The following CYTH1 variants were observed in gnomAD, a reference collection of about 807,000 sequenced individuals.
CYTH1 encodes the protein cytohesin 1, also known as cytohesin-1.
CYTH1 carries 18 observed loss-of-function variants against 61.8 expected under a neutral mutation model. The ratio of observed to expected loss-of-function variants is 0.29; its 90% confidence interval spans 0.20 to 0.43. CYTH1 has a LOEUF of 0.43. Among genes scored for constraint, CYTH1 ranks in the 20% least tolerant of loss-of-function variants. CYTH1 has a pLI of 1.00. For synonymous variants in CYTH1, 174 were observed against 184.3 expected (o/e 0.94, Z 0.45); for missense variants, 336 against 510.5 (o/e 0.66, Z 3.29).
At chr17:78,727,580 G>T (rs1428798870) in intron 1 of CYTH1, 2 of 435,500 alleles carry the variant, frequency 4.6e-6, no homozygotes, top group African/African-American at 4.1e-5. Context: ...TGGGAGAGGT[G>T]TAAGAAGGAG....
At chr17:78,722,330 T>C (rs1466412222) in intron 1 of CYTH1, among the ~76,000 whole-genome samples, 1 of 152,220 alleles carries the variant, frequency 6.6e-6, no homozygotes, top group Non-Finnish European at 1.5e-5. Context: ...ACTCCACTGC[T>C]GTTTCGAAAG....
At chr17:78,690,629 G>A (rs2092874756) in intron 11 of CYTH1, among the ~76,000 whole-genome samples, 1 of 151,938 alleles carries the variant, frequency 6.6e-6, no homozygotes, top group Non-Finnish European at 1.5e-5. Flanking sequence ...CCAGGAGGCA[G>A]AGGTTGCAGT....
intron 13 of CYTH1, among the ~76,000 whole-genome samples, chr17:78,679,388 A>G (rs186787821): frequency 6.6e-6 from 1 of 151,412 alleles, no homozygotes; most frequent in East Asian, 1.9e-4. Context: ...CAGAATGCTC[A>G]CTGCTGACCC....
intron 11 of CYTH1, among the ~76,000 whole-genome samples, chr17:78,685,158 C>T (rs1261911195): frequency 7.2e-6 from 1 of 138,418 alleles, no homozygotes; most frequent in Non-Finnish European, 1.5e-5. Flanking sequence ...ACTGCAAGAT[C>T]GTGCCACTGG....
At chr17:78,752,061 G>C (rs1367391983) in intron 1 of CYTH1, among the ~76,000 whole-genome samples, 1 of 152,062 alleles carries the variant, frequency 6.6e-6, no homozygotes, top group Admixed American at 6.5e-5. Flanking sequence ...AAATAGTCTA[G>C]TTCAAAGATC....
intron 1 of CYTH1, among the ~76,000 whole-genome samples, chr17:78,734,482 C>A (rs12944944): frequency 0.053 from 7,044 of 132,884 alleles, 339 homozygotes; most frequent in South Asian, 0.15. Context: ...ACTCTGTCAC[C>A]CAGGCTGGAG....
At chr17:78,709,468 C>A in intron 2 of CYTH1, 182 bp downstream of exon 2, 1 of 601,726 alleles carries the variant, frequency 1.7e-6, no homozygotes. Context: ...CTCTCTGACA[C>A]TGCATCTCCT....
At chr17:78,713,455 A>T (rs963250948) in intron 1 of CYTH1, among the ~76,000 whole-genome samples, 2 of 152,244 alleles carry the variant, frequency 1.3e-5, no homozygotes. Flanking sequence ...TAATCAGATC[A>T]TCAATGTATC....
intron 1 of CYTH1, among the ~76,000 whole-genome samples, chr17:78,749,667 A>C (rs2093372275): frequency 6.6e-6 from 1 of 151,830 alleles, no homozygotes. Flanking sequence ...TAAAAAAATA[A>C]AAAAAAACCT....
intron 1 of CYTH1, among the ~76,000 whole-genome samples, chr17:78,753,432 G>C (rs977921189): frequency 6.6e-6 from 1 of 152,188 alleles, no homozygotes; most frequent in East Asian, 1.9e-4. Flanking sequence ...CAACACTTTC[G>C]GGAGGATCAC....
chr17:78,736,270 G>A (rs919507456), intron 1 of CYTH1, among the ~76,000 whole-genome samples: 3 of 152,152 alleles, frequency 2.0e-5, no homozygotes, highest in Admixed American at 1.3e-4. Context: ...GATACAGGAA[G>A]TAGACACAAT....
At chr17:78,698,771 C>G in intron 8 of CYTH1, 49 bp downstream of exon 8, 1 of 1,525,002 alleles carries the variant, frequency 6.6e-7, no homozygotes, top group South Asian at 1.3e-5. Flanking sequence ...GATCCTGTTC[C>G]CAGTGAACTC....
chr17:78,712,993 A>AT (rs2093149317), intron 1 of CYTH1, among the ~76,000 whole-genome samples: 1 of 151,784 alleles, frequency 6.6e-6, no homozygotes, highest in Non-Finnish European at 1.5e-5. Context: ...TCAGCAATCC[A>AT]TCAGCATTAT....
At position 78,712,695 on chromosome 17, in the gene CYTH1, AT is replaced by A. The variant is rs559156960; in HGVS notation, c.23-2964del. Among the ~76,000 whole-genome samples the A allele has an allele frequency of 3.0e-3, 460 of 152,072 alleles. 2 individuals are homozygous for A. Among genetic ancestry groups the A allele is most frequent in the African/African-American group, 0.011 (446 of 41,488 alleles). ...ATAATAATATAAAAAATAAAAAATA[AT>A]TATTTCATAATCAATTAGGTAATCG... On this transcript the variant is annotated intron_variant, in intron 1 of 13. Transcript: ENST00000446868.
At chr17:78,696,216 G>C (rs922838) in intron 9 of CYTH1, among the ~76,000 whole-genome samples, 61,246 of 152,152 alleles carry the variant, frequency 0.4, 14,885 homozygotes, top group Non-Finnish European at 0.54. Flanking sequence ...ACGTGAACGA[G>C]GGGCTCTTAC....
intron 1 of CYTH1, among the ~76,000 whole-genome samples, chr17:78,754,110 C>T (rs1159693952): frequency 1.3e-5 from 2 of 151,994 alleles, no homozygotes; most frequent in Non-Finnish European, 2.9e-5. Flanking sequence ...GTGTCAGGAC[C>T]GTCGTGGACA....
In CYTH1 at chr17:78,700,318, T is replaced by C; in HGVS notation, c.550+13A>G. On this transcript the variant is annotated intron_variant, in intron 7 of 13. Transcript: ENST00000446868. This position sits in a 1 kb window ranked among gnomAD's most constrained non-coding sequence, Gnocchi z 5.1. Reference sequence around the variant, plus strand: ...AACGCCCATCATAAACTAGGATGAATGATCGTATTTACCCGTGGACTGGAA... The same window carrying C: ...AACGCCCATCATAAACTAGGATGAACGATCGTATTTACCCGTGGACTGGAA... 3 of 1,593,810 alleles carry C rather than the reference T, an allele frequency of 1.9e-6. No individual in the cohort carries two copies. The highest frequency in any genetic ancestry group is 1.1e-5 in the South Asian group (1 of 87,412).
At position 78,709,502 on chromosome 17, in the gene CYTH1, AT is replaced by A. The variant is rs1204130253; in HGVS notation, c.105+147del. 4 of 712,862 alleles carry A rather than the reference AT, an allele frequency of 5.6e-6. No homozygotes were observed. The African/African-American group carries it at 7.1e-5, about 13-fold the overall frequency. 44.2% of individuals were successfully genotyped at this position (712,862 alleles called of 1,614,324 possible). On this transcript the variant is annotated intron_variant, in intron 2 of 13. Transcript: ENST00000446868. Reference sequence around the variant, plus strand: ...CTCAGCTGTAGAGGAAAGGTGACTGATTATCAACACCTACGCTTTGTGCAGA... The same window carrying A: ...CTCAGCTGTAGAGGAAAGGTGACTGATATCAACACCTACGCTTTGTGCAGA...
At chr17:78,743,832 A>G (rs2093350242) in intron 1 of CYTH1, among the ~76,000 whole-genome samples, 1 of 152,246 alleles carries the variant, frequency 6.6e-6, no homozygotes, top group Non-Finnish European at 1.5e-5. Context: ...AGAGTGACAC[A>G]CTAATAACCT....
Sources: allele counts gnomAD v4.1 joint callset (sites outside exome capture counted in the v4.1 genomes callset), GRCh38; gene constraint gnomAD v4.1.1; non-coding constraint Gnocchi (gnomAD v3.1); transcripts MANE v1.5; gene names NCBI Gene and HGNC (gene_info 2026-07-23, HGNC 2026-07-21).